The following DPP10 variants were observed in gnomAD, a reference collection of about 807,000 sequenced individuals.
DPP10 encodes the protein inactive dipeptidyl peptidase 10.
In DPP10, 33 loss-of-function variants were observed where a neutral mutation model predicts 120.9. The observed-to-expected ratio is 0.27, with a 90% confidence interval of 0.21 to 0.37. The LOEUF is 0.37. DPP10 is among the 10% of genes least tolerant of loss of function. DPP10 has a pLI of 1.00. For missense variants in DPP10, 816 were observed against 942.8 expected (o/e 0.87, Z 1.76); for synonymous variants, 337 against 326.1 (o/e 1.03, Z -0.36).
At chr2:115,167,434 A>C (rs115451186) in intron 1 of DPP10, among the ~76,000 whole-genome samples, 8,111 of 151,284 alleles carry the variant, frequency 0.054, 319 homozygotes, top group East Asian at 0.23. Flanking sequence ...AAAGAAAATA[A>C]AAAGAAAAGA....
At chr2:114,584,263 G>T (rs1248797048) in intron 1 of DPP10, among the ~76,000 whole-genome samples, 1 of 152,130 alleles carries the variant, frequency 6.6e-6, no homozygotes, top group East Asian at 1.9e-4. Context: ...TTAGTGAAAA[G>T]AATTTACAGA....
chr2:114,593,768 G>A (rs1248413700), intron 1 of DPP10, among the ~76,000 whole-genome samples: 3 of 152,096 alleles, frequency 2.0e-5, no homozygotes, highest in African/African-American at 7.2e-5. Flanking sequence ...GGGGATTGGC[G>A]GGGAGAAGTG....
chr2:114,653,836 A>G (rs1327864960), intron 1 of DPP10, among the ~76,000 whole-genome samples: 1 of 152,186 alleles, frequency 6.6e-6, no homozygotes, highest in Non-Finnish European at 1.5e-5. Context: ...AAAATACTGG[A>G]CATGCAAAAG....
At chr2:115,273,037 G>T (rs543740455) in intron 1 of DPP10, among the ~76,000 whole-genome samples, 50 of 147,638 alleles carry the variant, frequency 3.4e-4, no homozygotes, top group Admixed American at 7.3e-4. Context: ...TTTTTTTTTT[G>T]AATTTTATGT....
intron 2 of DPP10, among the ~76,000 whole-genome samples, chr2:115,328,650 C>T (rs544174282): frequency 2.0e-4 from 31 of 152,076 alleles, no homozygotes; most frequent in African/African-American, 7.5e-4. Context: ...ATGTGTAGAG[C>T]TTCAAATAAA....
At chr2:115,038,363 C>T (rs1043013293) in intron 1 of DPP10, among the ~76,000 whole-genome samples, 3 of 152,068 alleles carry the variant, frequency 2.0e-5, no homozygotes, top group East Asian at 1.9e-4. Context: ...CTCCGCCTCC[C>T]GGGTTCACGC....
chr2:115,694,876 G>A (rs1317341364), intron 7 of DPP10, among the ~76,000 whole-genome samples: 1 of 152,152 alleles, frequency 6.6e-6, no homozygotes, highest in Admixed American at 6.5e-5. Flanking sequence ...CATTCATCTT[G>A]CAGGAACCAG....
At chr2:115,320,792 T>C (rs567625599) in intron 2 of DPP10, among the ~76,000 whole-genome samples, 1 of 152,248 alleles carries the variant, frequency 6.6e-6, no homozygotes, top group South Asian at 2.1e-4. Context: ...CCTAGGGAGT[T>C]ATCATTACTA....
At chr2:115,793,172 G>T (rs1684180174) in intron 19 of DPP10, among the ~76,000 whole-genome samples, 2 of 152,106 alleles carry the variant, frequency 1.3e-5, no homozygotes, top group African/African-American at 4.8e-5. Flanking sequence ...GGGCACTTGG[G>T]GTTTTTTTTG....
chr2:114,950,292 CTT>C (rs35889704), intron 1 of DPP10, among the ~76,000 whole-genome samples: 4 of 90,804 alleles, frequency 4.4e-5, no homozygotes, highest in African/African-American at 1.3e-4. Context: ...CCACACCTTG[CTT>C]TTTTTTTTTT....
chr2:115,752,464 C>A (rs1678867799), intron 10 of DPP10, among the ~76,000 whole-genome samples: 1 of 151,982 alleles, frequency 6.6e-6, no homozygotes, highest in African/African-American at 2.4e-5. Flanking sequence ...TTTATTATAC[C>A]AAGAATTTAA....
chr2:114,665,044 TG>T (rs1697813074), intron 1 of DPP10, among the ~76,000 whole-genome samples: 2 of 151,838 alleles, frequency 1.3e-5, no homozygotes, highest in African/African-American at 4.9e-5. Flanking sequence ...AAAGATGGTA[TG>T]GGGGTTGCTG....
intron 1 of DPP10, among the ~76,000 whole-genome samples, chr2:114,598,229 G>A (rs2105209027): frequency 6.6e-6 from 1 of 152,028 alleles, no homozygotes; most frequent in African/African-American, 2.4e-5. Context: ...ACATTTTAGA[G>A]AAACTTGTTT....
chr2:115,125,614 C>T (rs985503514), intron 1 of DPP10, among the ~76,000 whole-genome samples: 2 of 147,566 alleles, frequency 1.4e-5, no homozygotes, highest in African/African-American at 5.0e-5. Context: ...CTCTGTCGCC[C>T]AGGCTGGAGT....
intron 1 of DPP10, among the ~76,000 whole-genome samples, chr2:114,778,993 C>G (rs894586220): frequency 2.0e-5 from 3 of 152,086 alleles, no homozygotes; most frequent in Admixed American, 2.0e-4. Context: ...CTAGTTAATT[C>G]AATGCCAGAA....
At chr2:114,920,045 T>C (rs1353950466) in intron 1 of DPP10, among the ~76,000 whole-genome samples, 1 of 152,162 alleles carries the variant, frequency 6.6e-6, no homozygotes, top group African/African-American at 2.4e-5. Flanking sequence ...AATTTTATAA[T>C]ATTTTACTGA....
At chr2:114,900,189 A>G (rs781218925) in intron 1 of DPP10, among the ~76,000 whole-genome samples, 15 of 152,248 alleles carry the variant, frequency 9.9e-5, no homozygotes, top group Non-Finnish European at 7.3e-5. Flanking sequence ...TCAAGAGGGT[A>G]GGACTTCACA....
At chr2:114,895,149 T>C (rs1202057491) in intron 1 of DPP10, among the ~76,000 whole-genome samples, 6 of 152,234 alleles carry the variant, frequency 3.9e-5, no homozygotes, top group African/African-American at 1.4e-4. Flanking sequence ...CATTTAAGTA[T>C]TGACTACTAT....
chr2:115,242,436 A>G (rs939144786), intron 1 of DPP10, among the ~76,000 whole-genome samples: 1 of 151,960 alleles, frequency 6.6e-6, no homozygotes, highest in African/African-American at 2.4e-5. Context: ...CTCGTTCCAT[A>G]TTTCTGCAAT....
Sources: allele counts gnomAD v4.1 joint callset (sites outside exome capture counted in the v4.1 genomes callset), GRCh38; gene constraint gnomAD v4.1.1; transcripts MANE v1.5; gene names NCBI Gene and HGNC (gene_info 2026-07-23, HGNC 2026-07-21).